Variants in CNIH3 observed in about 807,000 individuals in gnomAD.
CNIH3 encodes the protein cornichon family AMPA receptor auxiliary protein 3.
A neutral mutation model predicts 24.1 loss-of-function variants in CNIH3; 14 were observed. That is an observed-to-expected ratio of 0.58 (90% confidence interval 0.38 to 0.91). The LOEUF (loss-of-function observed/expected upper bound fraction) is 0.91. Ranked by LOEUF, CNIH3 falls within the 40% of genes least tolerant of loss-of-function variation. CNIH3 has a pLI of 0.00. For missense variants in CNIH3, 178 were observed against 196.8 expected (o/e 0.90, Z 0.57); for synonymous variants, 68 against 73.8 (o/e 0.92, Z 0.40).
chr1:224,507,509 A>G (rs1325622983), intron 1 of CNIH3, among the ~76,000 whole-genome samples: 9 of 152,188 alleles, frequency 5.9e-5, no homozygotes, highest in African/African-American at 2.2e-4. Flanking sequence ...ATGTTTGCCA[A>G]ATATATATGT....
At chr1:224,563,494 TG>T in intron 3 of CNIH3, among the ~76,000 whole-genome samples, 1 of 151,522 alleles carries the variant, frequency 6.6e-6, no homozygotes, top group Non-Finnish European at 1.5e-5. Flanking sequence ...TGTGTGTGTG[TG>T]TGTATTCTAG....
chr1:224,677,143 A>G (rs1004317727), intron 1 of CNIH3, among the ~76,000 whole-genome samples: 1 of 152,198 alleles, frequency 6.6e-6, no homozygotes, highest in Non-Finnish European at 1.5e-5. Flanking sequence ...ATAGTGAGGT[A>G]GGTACTATTA....
At chr1:224,442,812 C>T (rs1031020027) in intron 1 of CNIH3, among the ~76,000 whole-genome samples, 3 of 152,142 alleles carry the variant, frequency 2.0e-5, no homozygotes, top group South Asian at 2.1e-4. Context: ...TTTTTGGAGA[C>T]GGCTTGTGTT....
chr1:224,609,407 T>C (rs184541185), intron 3 of CNIH3, among the ~76,000 whole-genome samples: 5 of 149,498 alleles, frequency 3.3e-5, no homozygotes, highest in African/African-American at 9.8e-5. Flanking sequence ...GTATTAGGGG[T>C]GGTTGCTTAG....
intron 1 of CNIH3, among the ~76,000 whole-genome samples, chr1:224,490,501 G>T (rs1677200482): frequency 6.6e-6 from 1 of 152,146 alleles, no homozygotes; most frequent in Non-Finnish European, 1.5e-5. Flanking sequence ...TTTCTTTATG[G>T]TCAAGTTCTT....
At chr1:224,470,951 C>T (rs968577468) in intron 1 of CNIH3, among the ~76,000 whole-genome samples, 1 of 152,202 alleles carries the variant, frequency 6.6e-6, no homozygotes, top group Non-Finnish European at 1.5e-5. Flanking sequence ...GTGTTACAAA[C>T]AATCTAGTTG....
chr1:224,550,051 C>T (rs1193484079), intron 3 of CNIH3, among the ~76,000 whole-genome samples: 3 of 151,854 alleles, frequency 2.0e-5, no homozygotes, highest in Non-Finnish European at 4.4e-5. Flanking sequence ...GATGATATTT[C>T]TATAATATCT....
chr1:224,489,148 T>TC (rs1432485544), intron 1 of CNIH3, among the ~76,000 whole-genome samples: 8 of 151,722 alleles, frequency 5.3e-5, no homozygotes, highest in Admixed American at 2.0e-4. Context: ...TTCTTTTTTT[T>TC]AATGGTAGGC....
chr1:224,619,696 G>C (rs1683189639), intron 1 of CNIH3, among the ~76,000 whole-genome samples: 1 of 152,186 alleles, frequency 6.6e-6, no homozygotes, highest in Non-Finnish European at 1.5e-5. Flanking sequence ...ATGTTAGACT[G>C]TTTGCCTTCT....
intron 1 of CNIH3, among the ~76,000 whole-genome samples, chr1:224,483,360 CAT>C (rs1410547080): frequency 6.6e-6 from 1 of 151,478 alleles, no homozygotes; most frequent in East Asian, 1.9e-4. Flanking sequence ...AAAACAAAAA[CAT>C]AAAACAGGTA....
chr1:224,467,921 T>C (rs1372780846), intron 1 of CNIH3, among the ~76,000 whole-genome samples: 3 of 151,880 alleles, frequency 2.0e-5, no homozygotes, highest in African/African-American at 7.2e-5. Flanking sequence ...TTTTTTTTTT[T>C]CTTCACCAAT....
At chr1:224,501,160 G>C (rs1294697399) in intron 1 of CNIH3, among the ~76,000 whole-genome samples, 1 of 151,882 alleles carries the variant, frequency 6.6e-6, no homozygotes, top group Non-Finnish European at 1.5e-5. Flanking sequence ...TACTAATTCT[G>C]CTTTGTTTTA....
intron 5 of CNIH3, among the ~76,000 whole-genome samples, chr1:224,587,811 G>T (rs1016965197): frequency 2.6e-5 from 4 of 151,558 alleles, no homozygotes; most frequent in African/African-American, 9.7e-5. Context: ...GCATGGTGGT[G>T]TGTGCCAGCA....
chr1:224,713,737 C>T (rs115837976), intron 3 of CNIH3, among the ~76,000 whole-genome samples: 1 of 152,190 alleles, frequency 6.6e-6, no homozygotes, highest in Non-Finnish European at 1.5e-5. Context: ...AAGATGAAAT[C>T]TGTTTATTTT....
intron 3 of CNIH3, among the ~76,000 whole-genome samples, chr1:224,601,225 C>T (rs915740457): frequency 5.9e-5 from 9 of 152,172 alleles, no homozygotes; most frequent in Non-Finnish European, 8.8e-5. Flanking sequence ...TCCCCTGAGG[C>T]TTCCCTTGGG....
intron 2 of CNIH3, among the ~76,000 whole-genome samples, chr1:224,526,628 G>A (rs1419264322): frequency 1.3e-5 from 2 of 152,188 alleles, no homozygotes; most frequent in African/African-American, 4.8e-5. Context: ...TATCTCCATT[G>A]AGAAATAAAT....
intron 4 of CNIH3, among the ~76,000 whole-genome samples, chr1:224,574,045 G>C (rs1680931795): frequency 6.6e-6 from 1 of 152,096 alleles, no homozygotes; most frequent in African/African-American, 2.4e-5. Flanking sequence ...TTACACATAT[G>C]AGTCCATTTT....
At chr1:224,636,794 T>C (rs993464172) in intron 1 of CNIH3, among the ~76,000 whole-genome samples, 2 of 152,200 alleles carry the variant, frequency 1.3e-5, no homozygotes, top group African/African-American at 2.4e-5. Context: ...GGTACACATA[T>C]AATATTCAGC....
At chr1:224,605,883 TCTC>T (rs1247684099) in intron 3 of CNIH3, among the ~76,000 whole-genome samples, 11 of 152,182 alleles carry the variant, frequency 7.2e-5, no homozygotes, top group Non-Finnish European at 1.6e-4. Flanking sequence ...AATAACTCTG[TCTC>T]CTCTGTGGCT....
Sources: allele counts gnomAD v4.1 joint callset (sites outside exome capture counted in the v4.1 genomes callset), GRCh38; gene constraint gnomAD v4.1.1; transcripts MANE v1.5; gene names NCBI Gene and HGNC (gene_info 2026-07-23, HGNC 2026-07-21).